Variants in RNF180 observed in about 807,000 individuals in gnomAD.
RNF180 encodes ring finger protein 180.
RNF180 carries 38 observed loss-of-function variants against 59.2 expected under a neutral mutation model. The ratio of observed to expected loss-of-function variants is 0.64; its 90% CI spans 0.50 to 0.84. The LOEUF is 0.84. Among genes scored for constraint, RNF180 ranks in the 40% least tolerant of loss-of-function variants. The pLI, the probability that RNF180 is intolerant of heterozygous loss-of-function variation, is 0.00. For synonymous variants in RNF180, 262 were observed against 240.3 expected, an observed-to-expected ratio of 1.09 and a Z score of -0.84; for missense variants, 705 against 700.9, an observed-to-expected ratio of 1.01 and a Z score of -0.07.
intron 5 of RNF180, among the ~76,000 whole-genome samples, chr5:64,238,725 G>A (rs1742599952): frequency 6.6e-6 from 1 of 152,078 alleles, no homozygotes; most frequent in Admixed American, 6.5e-5. Flanking sequence ...TATATACTTT[G>A]GAGATTAACC....
upstream of RNF180, among the ~76,000 whole-genome samples, chr5:64,165,601 C>T (rs867231001): frequency 2.6e-5 from 4 of 152,170 alleles, no homozygotes; most frequent in Admixed American, 2.0e-4. Context: ...AAGGGGATGA[C>T]AAGGGAGAAA....
At chr5:64,232,620 G>A (rs1742163873) in intron 5 of RNF180, among the ~76,000 whole-genome samples, 1 of 152,168 alleles carries the variant, frequency 6.6e-6, no homozygotes, top group African/African-American at 2.4e-5. Context: ...TGATATTGAA[G>A]AATGAAAATG....
intron 2 of RNF180, among the ~76,000 whole-genome samples, chr5:64,207,733 T>C (rs926159425): frequency 2.6e-5 from 4 of 152,154 alleles, no homozygotes; most frequent in African/African-American, 9.7e-5. Flanking sequence ...TATAAAAAGT[T>C]TTTACCCTTA....
In RNF180 at chr5:64,304,406, A is replaced by G. The variant is rs11958206; in HGVS notation, c.1228-20780A>G. Among the ~76,000 whole-genome samples, 96 of 151,510 alleles carry G rather than the reference A, an allele frequency of 6.3e-4. 2 individuals carry two copies. The highest frequency in any genetic ancestry group is 1.9e-4 in the East Asian group (1 of 5,140). On this transcript the variant is annotated intron_variant, in intron 5 of 7. Transcript: ENST00000389100. ...AAAACCTTCTGGAAAGGATTCATCA[A>G]TCTAGATGCCATAAAGACCATTCAT...
chr5:64,311,731 C>T lies in RNF180; in HGVS notation c.1228-13455C>T, dbSNP rs1561253806. ...CATTTTTGGGAAACGTCTTCAGTAT[C>T]GATTCCTACCATCTTCTACCAATAA... On this transcript the variant is annotated intron_variant, in intron 5 of 7. Coordinates refer to ENST00000389100, the MANE Select transcript of RNF180 (RefSeq NM_001113561.2). 4.6e-5 allele frequency among the ~76,000 whole-genome samples: 7 copies of T among 152,086 alleles called. No homozygotes were observed. In the South Asian group the frequency reaches 1.0e-3, roughly 22 times the overall value.
chr5:64,339,330 ACTTT>A lies in RNF180; in HGVS notation c.1579+8929_1579+8932del, dbSNP rs1280241829. On this transcript the variant is annotated intron_variant, in intron 7 of 7. Coordinates refer to ENST00000389100, the MANE Select transcript of RNF180 (RefSeq NM_001113561.2). ...TTCTAAGTCAGTTTGCATCCTTTTT[ACTTT>A]CTTTGAATTATTACTTAAGGCTATA... Among the ~76,000 whole-genome samples the A allele has an allele frequency of 3.3e-5, 5 of 151,994 alleles. No individual in the cohort carries two copies. The East Asian group carries it at 9.7e-4, about 29-fold the overall frequency.
At chr5:64,359,152 T>A (rs1371803905) in intron 7 of RNF180, among the ~76,000 whole-genome samples, 5 of 151,598 alleles carry the variant, frequency 3.3e-5, no homozygotes, top group African/African-American at 1.2e-4. Context: ...ATATACCCAG[T>A]AATGGGATGG....
intron 5 of RNF180, among the ~76,000 whole-genome samples, chr5:64,309,960 TGA>T (rs1743680691): frequency 6.6e-6 from 1 of 150,706 alleles, no homozygotes; most frequent in East Asian, 1.9e-4. Flanking sequence ...TTTGACTACA[TGA>T]GAGTTTCTTA....
intron 5 of RNF180, among the ~76,000 whole-genome samples, chr5:64,308,718 A>G (rs2112475188): frequency 6.6e-6 from 1 of 151,828 alleles, no homozygotes. Context: ...ATTTTTCTGT[A>G]TTCTTCAGTT....
chr5:64,327,814 A>G (rs113196666), intron 6 of RNF180, among the ~76,000 whole-genome samples: 4 of 152,222 alleles, frequency 2.6e-5, no homozygotes, highest in Admixed American at 6.5e-5. Context: ...CTTAAATCCA[A>G]TGTTTGTTAA....
intron 5 of RNF180, among the ~76,000 whole-genome samples, chr5:64,272,873 G>A (rs1313968416): frequency 6.6e-6 from 1 of 151,986 alleles, no homozygotes; most frequent in Non-Finnish European, 1.5e-5. Flanking sequence ...TGTGAGTTCA[G>A]TATGGATGTA....
At chr5:64,166,752 C>A (rs1365863443) in intron 1 of RNF180, among the ~76,000 whole-genome samples, 2 of 152,126 alleles carry the variant, frequency 1.3e-5, no homozygotes, top group African/African-American at 4.8e-5. Flanking sequence ...ACAGCTGAGG[C>A]ACCCAAGAGG....
chr5:64,175,534 T>C (rs1026304733), intron 1 of RNF180, among the ~76,000 whole-genome samples: 3 of 152,226 alleles, frequency 2.0e-5, no homozygotes, highest in Admixed American at 6.5e-5. Context: ...TGTAGTATAT[T>C]TTGAAGCCAG....
At chr5:64,294,744 A>G (rs932268201) in intron 5 of RNF180, among the ~76,000 whole-genome samples, 4 of 152,188 alleles carry the variant, frequency 2.6e-5, no homozygotes, top group African/African-American at 9.6e-5. Flanking sequence ...GTGCTGTCAT[A>G]GTTCATTACT....
At chr5:64,356,597 C>G (rs1448276140) in intron 7 of RNF180, among the ~76,000 whole-genome samples, 1 of 151,716 alleles carries the variant, frequency 6.6e-6, no homozygotes, top group East Asian at 1.9e-4. Flanking sequence ...TAGAAACAAC[C>G]TAAATTTCCA....
At chr5:64,253,079 A>G (rs187065600) in intron 5 of RNF180, among the ~76,000 whole-genome samples, 78 of 152,288 alleles carry the variant, frequency 5.1e-4, no homozygotes, top group African/African-American at 1.3e-3. Context: ...CTATAAGCCA[A>G]TGATTTGCCT....
chr5:64,321,200 G>T (rs1438140200), intron 5 of RNF180, among the ~76,000 whole-genome samples: 2 of 152,064 alleles, frequency 1.3e-5, no homozygotes, highest in Admixed American at 6.6e-5. Context: ...AAAAGGGTGG[G>T]GGGTATGCAG....
At chr5:64,171,972 CA>C (rs1203704059) in intron 1 of RNF180, among the ~76,000 whole-genome samples, 3 of 152,164 alleles carry the variant, frequency 2.0e-5, no homozygotes, top group Non-Finnish European at 4.4e-5. Context: ...ATCTTTGGCA[CA>C]AAAATCAGTT....
chr5:64,199,922 A>G (rs1052116768), intron 1 of RNF180, among the ~76,000 whole-genome samples: 3 of 152,162 alleles, frequency 2.0e-5, no homozygotes, highest in Admixed American at 1.3e-4. Context: ...TTGATTATAT[A>G]CAAGATGTAG....
Sources: allele counts gnomAD v4.1 joint callset (sites outside exome capture counted in the v4.1 genomes callset), GRCh38; gene constraint gnomAD v4.1.1; transcripts MANE v1.5; gene names NCBI Gene and HGNC (gene_info 2026-07-23, HGNC 2026-07-21).